The following GLIS3 variants were observed in gnomAD, a reference collection of about 807,000 sequenced individuals.
GLIS3 encodes GLIS family zinc finger 3, also known as zinc finger protein GLIS3.
A neutral mutation model predicts 78.6 loss-of-function variants in GLIS3; 53 were observed. The ratio of observed to expected loss-of-function variants is 0.67; its 90% confidence interval spans 0.54 to 0.85. The LOEUF is 0.85. GLIS3 is among the 40% of genes least tolerant of loss of function. GLIS3 has a pLI of 0.00. For missense variants in GLIS3, 1,703 were observed against 1,231.1 expected (o/e 1.38, Z -5.74); for synonymous variants, 684 against 509.9 (o/e 1.34, Z -4.60).
the GLIS3 span, among the ~76,000 whole-genome samples, chr9:4,430,376 A>G: frequency 3.3e-5 from 5 of 152,360 alleles, no homozygotes; most frequent in African/African-American, 1.2e-4. Flanking sequence ...TATCTGCAGG[A>G]GGAATGTGAT....
intron 4 of GLIS3, among the ~76,000 whole-genome samples, chr9:4,050,363 C>T (rs369732510): frequency 3.0e-4 from 45 of 152,196 alleles, no homozygotes; most frequent in East Asian, 7.7e-4. Context: ...AACCAAACAC[C>T]GCATGTTCTC....
intron 2 of GLIS3, among the ~76,000 whole-genome samples, chr9:4,312,172 A>G (rs944462774): frequency 6.6e-6 from 1 of 152,240 alleles, no homozygotes; most frequent in Non-Finnish European, 1.5e-5. Flanking sequence ...TTTTTAAAAG[A>G]AAGAAACTTT....
At chr9:4,426,223 C>T in the GLIS3 span, among the ~76,000 whole-genome samples, 1 of 152,150 alleles carries the variant, frequency 6.6e-6, no homozygotes, top group African/African-American at 2.4e-5. Context: ...TGCTCCCAAA[C>T]AGAGAGTAGG....
chr9:4,272,912 T>G (rs1826647164), intron 2 of GLIS3, among the ~76,000 whole-genome samples: 1 of 152,204 alleles, frequency 6.6e-6, no homozygotes, highest in South Asian at 2.1e-4. Flanking sequence ...GTGTCCTAGT[T>G]TGTACAACAA....
intron 4 of GLIS3, among the ~76,000 whole-genome samples, chr9:4,097,210 A>G (rs77997647): frequency 0.014 from 2,160 of 152,280 alleles, 48 homozygotes; most frequent in African/African-American, 0.047. Context: ...GCCTGCCACC[A>G]GAAGCCACAG....
At chr9:4,379,857 T>C in the GLIS3 span, among the ~76,000 whole-genome samples, 1 of 152,212 alleles carries the variant, frequency 6.6e-6, no homozygotes, top group African/African-American at 2.4e-5. Flanking sequence ...CATCATATTA[T>C]ATTGCAAAGA....
Position 4,173,974 on chromosome 9 carries a change from G to A in GLIS3, c.389-48033C>T, listed in dbSNP as rs554867980. Among the ~76,000 whole-genome samples, 6 of 151,454 alleles carry A rather than the reference G, an allele frequency of 4.0e-5. No homozygotes were observed. The East Asian group carries it at 5.8e-4, about 15-fold the overall frequency. ...CGCATTTCTATATAGAAAAATAACC[G>A]AAACACTCCCATTTGTTTAAAAAAA... On this transcript the variant is annotated intron_variant, in intron 2 of 10. Coordinates refer to ENST00000381971, the MANE Select transcript of GLIS3 (RefSeq NM_001042413.2).
chr9:4,241,810 G>C (rs1269558975), intron 2 of GLIS3, among the ~76,000 whole-genome samples: 2 of 152,088 alleles, frequency 1.3e-5, no homozygotes, highest in Non-Finnish European at 2.9e-5. Context: ...AGCCTCCCAA[G>C]TAGGTGTGAT....
At chr9:4,457,523 C>A in the GLIS3 span, among the ~76,000 whole-genome samples, 1 of 151,934 alleles carries the variant, frequency 6.6e-6, no homozygotes, top group East Asian at 1.9e-4. Flanking sequence ...ACACATACAT[C>A]TTTGGGCCCT....
chr9:4,201,437 A>G (rs192104529), intron 2 of GLIS3, among the ~76,000 whole-genome samples: 51 of 152,294 alleles, frequency 3.3e-4, no homozygotes, highest in African/African-American at 1.1e-3. Context: ...AGAAAACTCT[A>G]AAGACTCCAC....
chr9:4,100,123 G>C (rs1351940459), intron 4 of GLIS3, among the ~76,000 whole-genome samples: 1 of 152,192 alleles, frequency 6.6e-6, no homozygotes, highest in Admixed American at 6.5e-5. Flanking sequence ...TTCTCAATCT[G>C]ACTTAGTTTT....
chr9:4,399,014 T>G, the GLIS3 span, among the ~76,000 whole-genome samples: 1 of 152,230 alleles, frequency 6.6e-6, no homozygotes, highest in African/African-American at 2.4e-5. Flanking sequence ...TCCTTTGTTT[T>G]CTGCTCTGCT....
At chr9:4,373,810 G>A in the GLIS3 span, among the ~76,000 whole-genome samples, 1 of 151,866 alleles carries the variant, frequency 6.6e-6, no homozygotes, top group Admixed American at 6.6e-5. Flanking sequence ...TGGGATTACA[G>A]ATGCGCACAA....
chr9:3,917,821 T>C (rs1824621401), intron 6 of GLIS3, among the ~76,000 whole-genome samples: 1 of 152,176 alleles, frequency 6.6e-6, no homozygotes, highest in African/African-American at 2.4e-5. Flanking sequence ...TGAAAATTGG[T>C]AATTGAACCC....
At chr9:4,395,962 C>G in the GLIS3 span, among the ~76,000 whole-genome samples, 1 of 151,374 alleles carries the variant, frequency 6.6e-6, no homozygotes, top group East Asian at 2.0e-4. Flanking sequence ...TTAGTAGAGA[C>G]AGGGTTTCAC....
At chr9:3,966,010 G>A (rs890422802) in intron 4 of GLIS3, among the ~76,000 whole-genome samples, 8 of 152,216 alleles carry the variant, frequency 5.3e-5, no homozygotes, top group Non-Finnish European at 7.3e-5. Flanking sequence ...AATTCCAGAT[G>A]CAATTCCTAA....
intron 4 of GLIS3, among the ~76,000 whole-genome samples, chr9:3,963,752 C>T (rs753827635): frequency 3.9e-5 from 6 of 152,000 alleles, no homozygotes; most frequent in African/African-American, 1.4e-4. Flanking sequence ...ATAATCTTAT[C>T]GTGAGGCTGA....
At chr9:4,277,178 C>G (rs1156984302) in intron 2 of GLIS3, among the ~76,000 whole-genome samples, 1 of 152,100 alleles carries the variant, frequency 6.6e-6, no homozygotes, top group Non-Finnish European at 1.5e-5. Context: ...TGTTAGCAGA[C>G]TTTTTTCATT....
intron 6 of GLIS3, among the ~76,000 whole-genome samples, chr9:3,916,361 CAT>C (rs1326351044): frequency 1.3e-5 from 2 of 152,238 alleles, no homozygotes; most frequent in Non-Finnish European, 2.9e-5. Flanking sequence ...CTTGATTTCT[CAT>C]GTCATTACCA....
Sources: gnomAD v4.1 joint callset for allele counts (sites outside exome capture counted in the v4.1 genomes callset) on GRCh38, gnomAD v4.1.1 for gene constraint, MANE v1.5 for transcripts, NCBI Gene and HGNC (gene_info 2026-07-23, HGNC 2026-07-21) for gene names.